The following SYCP2L variants were observed in gnomAD, a reference collection of about 807,000 sequenced individuals.
SYCP2L encodes synaptonemal complex protein 2-like.
SYCP2L carries 98 observed loss-of-function variants against 125.8 expected under a neutral mutation model. The observed-to-expected ratio is 0.78, with a 90% CI of 0.66 to 0.92. The LOEUF is 0.92. SYCP2L is among the 40% of genes least tolerant of loss of function. SYCP2L has a pLI of 0.00. For missense variants in SYCP2L, 842 were observed against 936.4 expected, an observed-to-expected ratio of 0.90 and a Z score of 1.32; for synonymous variants, 317 against 325.4, an observed-to-expected ratio of 0.97 and a Z score of 0.28.
Position 10,955,236 on chromosome 6 carries a change from C to G in SYCP2L, c.2056+19C>G. On this transcript the variant is annotated intron_variant, in intron 24 of 29. Coordinates refer to ENST00000283141, the MANE Select transcript of SYCP2L (RefSeq NM_001040274.3). Reference sequence around the variant, plus strand: ...TTGCCAGGTAACATCATGCACCCAGCCAATGGTTCAAGTAGGAGTGGGATA... The same window carrying G: ...TTGCCAGGTAACATCATGCACCCAGGCAATGGTTCAAGTAGGAGTGGGATA... 6.6e-7 allele frequency: 1 copy of G among 1,505,206 alleles called. No individual in the cohort carries two copies. Among genetic ancestry groups the G allele is most frequent in the Non-Finnish European group, 9.3e-7 (1 of 1,080,728 alleles). The allele number at this position is 1,505,206 out of a possible 1,614,324, so 93.2% of individuals were successfully genotyped here. A position where few individuals can be genotyped will look rare whatever the true frequency, so the allele number is the denominator to read the frequency against.
At chr6:10,921,046 A>G (rs1780791688) in intron 14 of SYCP2L, among the ~76,000 whole-genome samples, 1 of 152,126 alleles carries the variant, frequency 6.6e-6, no homozygotes, top group Non-Finnish European at 1.5e-5. Context: ...CTCCCCCAAC[A>G]TACCCAGGCC....
intron 14 of SYCP2L, among the ~76,000 whole-genome samples, chr6:10,923,074 G>A (rs550509995): frequency 4.6e-5 from 7 of 152,168 alleles, no homozygotes; most frequent in African/African-American, 1.7e-4. Context: ...GTTAGTACTA[G>A]GCATGCTTTC....
chr6:10,966,724 A>G (rs1481738447), intron 29 of SYCP2L, among the ~76,000 whole-genome samples: 1 of 152,242 alleles, frequency 6.6e-6, no homozygotes, highest in African/African-American at 2.4e-5. Context: ...CAAATCTGAA[A>G]TAAACAAAAT....
chr6:10,956,720 C>A (rs1781508138), intron 25 of SYCP2L, among the ~76,000 whole-genome samples: 1 of 152,194 alleles, frequency 6.6e-6, no homozygotes, highest in Non-Finnish European at 1.5e-5. Context: ...GCCTCGGCCT[C>A]CCAAAGTGCT....
chr6:10,897,375 T>G (rs1017101028), intron 4 of SYCP2L, among the ~76,000 whole-genome samples: 2 of 151,772 alleles, frequency 1.3e-5, no homozygotes, highest in African/African-American at 4.8e-5. Flanking sequence ...TCGCAAGATT[T>G]TTTTTCCACC....
rs753260209 is a variant in SYCP2L at position 10,902,907 on chromosome 6, T to C, written c.585T>C (p.Ala195=). 16 of 1,614,126 alleles carry C rather than the reference T, an allele frequency of 9.9e-6. No individual in the cohort carries two copies. Among genetic ancestry groups the C allele is most frequent in the Admixed American group, 1.7e-5 (1 of 60,006 alleles). ...GLKTFNCILH[A]VPREERKKFP... ...AGACTTTTAACTGCATTTTGCACGC[T>C]GTCCCTCGAGAAGAGAGAAAAAAAT... The change falls in exon 8 of 30, where the codon GCT becomes GCC. Residue 195 remains alanine, a synonymous_variant. Coordinates refer to ENST00000283141, the MANE Select transcript of SYCP2L (RefSeq NM_001040274.3).
chr6:10,899,967 A>T (rs1046986959), intron 6 of SYCP2L, among the ~76,000 whole-genome samples: 1 of 152,222 alleles, frequency 6.6e-6, no homozygotes, highest in Non-Finnish European at 1.5e-5. Context: ...ATTAATCCCA[A>T]CAATATGTAT....
At chr6:10,910,916 C>G (rs1158759843) in intron 12 of SYCP2L, 47 bp downstream of exon 12, 1 of 1,603,780 alleles carries the variant, frequency 6.2e-7, no homozygotes, top group Admixed American at 1.7e-5. Context: ...TGCAGTGAAA[C>G]CAGGAGTTAG....
chr6:10,908,279 T>C (rs1780541492), intron 10 of SYCP2L, among the ~76,000 whole-genome samples: 1 of 152,094 alleles, frequency 6.6e-6, no homozygotes, highest in African/African-American at 2.4e-5. Flanking sequence ...CAATGAACCT[T>C]GAATGGTAGG....
rs6456746 is a variant in SYCP2L, at chr6:10,894,148, G to T, written c.280G>T (p.Val94Leu). ...GCTGAAATGTATTCAGCGATTCCTCGTAGATGGCCTGAAAGAAGATGAACC... is the reference window on the plus strand; with the variant it reads ...GCTGAAATGTATTCAGCGATTCCTCTTAGATGGCCTGAAAGAAGATGAACC... ...LLLKCIQRFL[V>L]DGLKEDEPLL... The change falls in exon 4 of 30, where the codon GTA becomes TTA. Residue 94 changes from valine (V) to leucine (L), a missense_variant. Transcript: ENST00000283141. 1 of 1,613,234 alleles carries T rather than the reference G, an allele frequency of 6.2e-7. No homozygotes were observed. Among genetic ancestry groups the T allele is most frequent in the East Asian group, 2.2e-5 (1 of 44,856 alleles).
rs945851973 is a variant in SYCP2L, at chr6:10,954,773, T to C, written c.1955-343T>C. On this transcript the variant is annotated intron_variant, in intron 23 of 29. Coordinates refer to ENST00000283141, the MANE Select transcript of SYCP2L (RefSeq NM_001040274.3). This position sits in a 1 kb window ranked among gnomAD's most constrained non-coding sequence, Gnocchi z 4.8. ...CCAAAGGCCCATCTGCCTGGAAACC[T>C]TGCTGTCTTGCTATTTAGCTCAGAG... 6.6e-6 allele frequency among the ~76,000 whole-genome samples: 1 copy of C among 152,172 alleles called. No homozygotes were observed. Among genetic ancestry groups the C allele is most frequent in the African/African-American group, 2.4e-5 (1 of 41,450 alleles).
At chr6:10,969,703 T>C (rs1454420110) in intron 29 of SYCP2L, among the ~76,000 whole-genome samples, 1 of 152,034 alleles carries the variant, frequency 6.6e-6, no homozygotes, top group Non-Finnish European at 1.5e-5. Context: ...TGTGCAAAGA[T>C]ACGTGCAATA....
chr6:10,955,966 A>G (rs1781496824), intron 24 of SYCP2L, among the ~76,000 whole-genome samples, 170 bp from the exon 25 acceptor site: 1 of 152,184 alleles, frequency 6.6e-6, no homozygotes, highest in Admixed American at 6.5e-5. Context: ...GAAGATATAG[A>G]AGAAATGAGC....
intron 21 of SYCP2L, among the ~76,000 whole-genome samples, chr6:10,942,154 G>A (rs1368113077): frequency 1.8e-5 from 2 of 109,442 alleles, no homozygotes; most frequent in Non-Finnish European, 3.5e-5. Flanking sequence ...TTGTGGGGTG[G>A]GGGGAGGGGG....
chr6:10,903,684 G>A (rs1264466248), intron 8 of SYCP2L, among the ~76,000 whole-genome samples: 1 of 152,092 alleles, frequency 6.6e-6, no homozygotes, highest in Non-Finnish European at 1.5e-5. Context: ...CCAGGAGGCG[G>A]AGGTTGCAGT....
intron 14 of SYCP2L, among the ~76,000 whole-genome samples, chr6:10,920,131 C>T (rs1780768801): frequency 6.6e-6 from 1 of 152,118 alleles, no homozygotes; most frequent in Admixed American, 6.5e-5. Context: ...TGACTGTTGT[C>T]TCAAGGCAAT....
Position 10,898,445 on chromosome 6 carries a change from G to A in SYCP2L, c.441+330G>A, listed in dbSNP as rs114377324. The stretch of plus-strand genomic sequence containing the variant: ...GGAGAATCGCTTGAACCTGGGAGGC[G>A]GAGCTTATATAGTGAGCCGAGACCA... On this transcript the variant is annotated intron_variant, in intron 5 of 29. Transcript: ENST00000283141. Among the ~76,000 whole-genome samples, 631 of 152,186 alleles carry A rather than the reference G, an allele frequency of 4.1e-3. 7 individuals carry two copies. Among genetic ancestry groups the A allele is most frequent in the African/African-American group, 0.015 (605 of 41,534 alleles).
rs780268253 is a variant in SYCP2L at position 10,961,296 on chromosome 6, G to A, written c.2256-9G>A. ...TCCCAATGATATTTACTGCTTTTATGTTTATTAGACTCAATAAACTAGAGC... is the reference window on the plus strand; with the variant it reads ...TCCCAATGATATTTACTGCTTTTATATTTATTAGACTCAATAAACTAGAGC... On this transcript the variant is annotated splice_polypyrimidine_tract_variant and intron_variant, in intron 26 of 29. Transcript: ENST00000283141. The A allele has an allele frequency of 7.5e-6, 12 of 1,610,272 alleles. No homozygotes were observed. The Admixed American group carries it at 2.0e-4, about 27-fold the overall frequency.
At chr6:10,898,941 G>A in intron 6 of SYCP2L, 93 bp downstream of exon 6, 1 of 836,918 alleles carries the variant, frequency 1.2e-6, no homozygotes, top group East Asian at 2.5e-5. Context: ...TAAAAGTAAA[G>A]TGAGTTTAAA....
Sources: gnomAD v4.1 joint callset for allele counts (sites outside exome capture counted in the v4.1 genomes callset) on GRCh38, gnomAD v4.1.1 for gene constraint, Gnocchi (gnomAD v3.1) non-coding constraint, MANE v1.5 for transcripts, NCBI Gene and HGNC (gene_info 2026-07-23, HGNC 2026-07-21) for gene names.